The following MACF1 variants were observed in gnomAD, a reference collection of about 807,000 sequenced individuals.
MACF1 encodes the protein microtubule-actin cross-linking factor 1.
Under a neutral mutation model 854.8 loss-of-function variants are expected in MACF1, and 193 were observed. That is an observed-to-expected ratio of 0.23 (90% confidence interval 0.20 to 0.25). The LOEUF is 0.25. MACF1 is among the 10% of genes least tolerant of loss of function. MACF1 has a pLI of 1.00. For missense variants in MACF1, 7,722 were observed against 8,929.1 expected, an observed-to-expected ratio of 0.86 and a Z score of 5.45; for synonymous variants, 3,185 against 3,226.7, an observed-to-expected ratio of 0.99 and a Z score of 0.44.
intron 95 of MACF1, among the ~76,000 whole-genome samples, chr1:39,467,233 C>T (rs1355869714): frequency 6.6e-6 from 1 of 152,038 alleles, no homozygotes; most frequent in East Asian, 1.9e-4. Context: ...GGCCTGGTGG[C>T]GGGCGCCTGT....
intron 33 of MACF1, among the ~76,000 whole-genome samples, chr1:39,323,668 T>G (rs553799842): frequency 6.6e-6 from 1 of 152,094 alleles, no homozygotes; most frequent in South Asian, 2.1e-4. Flanking sequence ...ATGTCATCTG[T>G]TTGTAACTGT....
Position 39,314,569 on chromosome 1 carries a change from T to TCACACA in MACF1, c.3271-909_3271-904dup, listed in dbSNP as rs58459573. On this transcript the variant is annotated intron_variant, in intron 26 of 100. Transcript: ENST00000564288. ...CTCTTTCTCTCTCTCTCTCTCTCTC[T>TCACACA]CACACACACACACACACACACACAC... Among the ~76,000 whole-genome samples the TCACACA allele has an allele frequency of 9.0e-3, 591 of 65,334 alleles. 6 individuals are homozygous for TCACACA. The highest frequency in any genetic ancestry group is 0.011 in the Non-Finnish European group (314 of 28,860). 42.9% of individuals were successfully genotyped at this position (65,334 alleles called of 152,430 possible).
At chr1:39,343,803 G>A (rs1481359682) in intron 40 of MACF1, among the ~76,000 whole-genome samples, 1 of 152,176 alleles carries the variant, frequency 6.6e-6, no homozygotes, top group Non-Finnish European at 1.5e-5. Flanking sequence ...AAGTTTTAGA[G>A]CAGGAGTGAA....
At position 39,477,073 on chromosome 1, in the gene MACF1, A is replaced by ATATACACACACATATATACACTTAGTG. The variant is rs1553457850; in HGVS notation, c.21959-2721_21959-2720insCACACACATATATACACTTAGTGTATA. Among the ~76,000 whole-genome samples the ATATACACACACATATATACACTTAGTG allele has an allele frequency of 3.9e-3, 149 of 37,832 alleles. 4 individuals carry two copies. Among genetic ancestry groups the ATATACACACACATATATACACTTAGTG allele is most frequent in the African/African-American group, 0.014 (79 of 5,788 alleles). 24.8% of individuals were successfully genotyped at this position (37,832 alleles called of 152,430 possible). A position where few individuals can be genotyped will look rare whatever the true frequency, so the allele number is the denominator to read the frequency against. On this transcript the variant is annotated intron_variant, in intron 97 of 100. Transcript: ENST00000564288. ...TATATATATATATATATATATATAT[A>ATATACACACACATATATACACTTAGTG]TATATATATATATATATACACACAC...
intron 57 of MACF1, 59 bp from the exon 58 acceptor site, chr1:39,387,128 A>G (rs1178189903): frequency 1.9e-6 from 3 of 1,563,400 alleles, no homozygotes; most frequent in African/African-American, 1.4e-5. Context: ...ACTCTCAGCA[A>G]ACATTTTAAA....
intron 2 of MACF1, among the ~76,000 whole-genome samples, chr1:39,169,502 G>A (rs1212106815): frequency 6.6e-6 from 1 of 151,728 alleles, no homozygotes; most frequent in Admixed American, 6.6e-5. Flanking sequence ...CTACTCAGGA[G>A]GATGAAGTGG....
chr1:39,282,428 T>G, intron 7 of MACF1, 54 bp downstream of exon 7: 1 of 1,542,790 alleles, frequency 6.5e-7, no homozygotes, highest in Non-Finnish European at 8.8e-7. Flanking sequence ...ATCTCTTGTT[T>G]GTAATTAGTT....
rs1644529173 is a variant in MACF1 at position 39,460,290 on chromosome 1, T to G, written c.21361-342T>G. On this transcript the variant is annotated intron_variant, in intron 91 of 100. Coordinates refer to ENST00000564288, the MANE Select transcript of MACF1 (RefSeq NM_001394062.1). This position sits in a 1 kb window ranked among gnomAD's most constrained non-coding sequence, Gnocchi z 4.1. The stretch of plus-strand genomic sequence containing the variant: ...AGTGCTAAGGACCTCCCTTCTGGGT[T>G]AGAATCCATTTCCTTGCATCTAAGA... 6.6e-6 allele frequency among the ~76,000 whole-genome samples: 1 copy of G among 152,258 alleles called. No individual in the cohort carries two copies. The highest frequency in any genetic ancestry group is 1.5e-5 in the Non-Finnish European group (1 of 68,036).
At chr1:39,359,423 C>G (rs919389769) in intron 47 of MACF1, among the ~76,000 whole-genome samples, 159 bp downstream of exon 47, 3 of 152,166 alleles carry the variant, frequency 2.0e-5, no homozygotes, top group African/African-American at 4.8e-5. Flanking sequence ...AGAGCTTATC[C>G]TCTAATGAAC....
chr1:39,340,821 G>A lies in MACF1; in HGVS notation c.10449G>A (p.Gln3483=), dbSNP rs1646920523. ...VEIEKTKVLN[Q]HTQLEGRLQD... ...TTTCTTAGACTAAAGTGTTAAATCA[G>A]CACACACAGCTAGAAGGCCGACTTC... The change falls in exon 40 of 101, where the codon CAG becomes CAA. Residue 3483 remains glutamine, a synonymous_variant. Transcript: ENST00000564288. 2.5e-6 allele frequency: 4 copies of A among 1,613,050 alleles called. No homozygotes were observed. The highest frequency in any genetic ancestry group is 2.7e-5 in the African/African-American group (2 of 74,824).
At position 39,105,397 on chromosome 1, in the gene MACF1, G is replaced by A; in HGVS notation, c.220+20959G>A. On this transcript the variant is annotated intron_variant, in intron 2 of 93. Transcript: ENST00000361689. The surrounding 1 kb of genome is among the most constrained non-coding windows in gnomAD (Gnocchi z 5.9). ...GAGCGGAGCCGAGGGGTGAGGACGC[G>A]GAAACGCGAGCCGGGACCGGCGGAG... The A allele has an allele frequency of 1.0e-6, 1 of 987,128 alleles. No homozygotes were observed. The highest frequency in any genetic ancestry group is 1.2e-6 in the Non-Finnish European group (1 of 832,048). 61.1% of individuals were successfully genotyped at this position (987,128 alleles called of 1,614,324 possible). A position where few individuals can be genotyped will look rare whatever the true frequency, so the allele number is the denominator to read the frequency against.
intron 40 of MACF1, among the ~76,000 whole-genome samples, chr1:39,343,139 TC>T (rs1646972990): frequency 6.6e-6 from 1 of 152,232 alleles, no homozygotes; most frequent in Non-Finnish European, 1.5e-5. Context: ...CAGAGAGTTT[TC>T]TCCCCAATAT....
At chr1:39,273,192 A>G (rs1235341874) in intron 6 of MACF1, among the ~76,000 whole-genome samples, 2 of 138,946 alleles carry the variant, frequency 1.4e-5, no homozygotes, top group Non-Finnish European at 3.0e-5. Flanking sequence ...GCTGCAGTGC[A>G]GTGGTGCGAT....
At chr1:39,256,189 A>G (rs1645094385) in intron 5 of MACF1, among the ~76,000 whole-genome samples, 1 of 152,192 alleles carries the variant, frequency 6.6e-6, no homozygotes, top group African/African-American at 2.4e-5. Context: ...GGTCATTGAG[A>G]AAAAGGTTAG....
intron 6 of MACF1, among the ~76,000 whole-genome samples, chr1:39,268,064 A>G (rs895324914): frequency 6.6e-6 from 1 of 152,200 alleles, no homozygotes; most frequent in Non-Finnish European, 1.5e-5. Context: ...TCTTGGTGCA[A>G]CACTTAAAAT....
At chr1:39,156,966 C>CT (rs11287580) in intron 2 of MACF1, among the ~76,000 whole-genome samples, 20 of 136,816 alleles carry the variant, frequency 1.5e-4, no homozygotes, top group South Asian at 4.8e-4. Context: ...TTTCCATTAT[C>CT]TTTTTTTTTT....
chr1:39,150,192 G>A (rs1643549513), intron 2 of MACF1, among the ~76,000 whole-genome samples: 1 of 152,034 alleles, frequency 6.6e-6, no homozygotes, highest in African/African-American at 2.4e-5. Flanking sequence ...TAATTTTTTT[G>A]TATTTTTACT....
chr1:39,322,460 C>A, intron 31 of MACF1, 148 bp from the exon 32 acceptor site: 1 of 639,684 alleles, frequency 1.6e-6, no homozygotes, highest in Admixed American at 2.6e-5. Context: ...CTGATATTTT[C>A]TGTCTGGCCT....
At chr1:39,190,639 G>A (rs960848408) in intron 2 of MACF1, among the ~76,000 whole-genome samples, 3 of 151,762 alleles carry the variant, frequency 2.0e-5, no homozygotes. Flanking sequence ...GCCTTGTGCT[G>A]TCTCTCTTTT....
Sources: allele counts gnomAD v4.1 joint callset (sites outside exome capture counted in the v4.1 genomes callset), GRCh38; gene constraint gnomAD v4.1.1; non-coding constraint Gnocchi (gnomAD v3.1); transcripts MANE v1.5; gene names NCBI Gene and HGNC (gene_info 2026-07-23, HGNC 2026-07-21).